The following PACRG variants were observed in gnomAD, a reference collection of about 807,000 sequenced individuals.
PACRG encodes parkin coregulated, also known as parkin coregulated gene protein.
PACRG carries 29 observed loss-of-function variants against 29.7 expected under a neutral mutation model. The observed-to-expected ratio is 0.98, with a 90% CI of 0.73 to 1.33. The LOEUF (loss-of-function observed/expected upper bound fraction) is 1.33. Among genes scored for constraint, PACRG ranks in the 40% most tolerant of loss-of-function variants. PACRG has a pLI of 0.00. For synonymous variants in PACRG, 116 were observed against 118.7 expected, an observed-to-expected ratio of 0.98 and a Z score of 0.15; for missense variants, 279 against 316.2, an observed-to-expected ratio of 0.88 and a Z score of 0.89.
chr6:163,280,734 A>G (rs1028946665), intron 4 of PACRG, among the ~76,000 whole-genome samples: 2 of 152,174 alleles, frequency 1.3e-5, no homozygotes, highest in Non-Finnish European at 2.9e-5. Context: ...ATGCATGTGC[A>G]CAGGGAGAGA....
intron 2 of PACRG, among the ~76,000 whole-genome samples, chr6:162,979,620 C>T (rs964677421): frequency 1.3e-5 from 2 of 152,032 alleles, no homozygotes; most frequent in Admixed American, 6.6e-5. Context: ...GTGAAGCCCC[C>T]TTTTGAGTGG....
At chr6:162,891,340 G>T (rs1377821921) in intron 2 of PACRG, among the ~76,000 whole-genome samples, 1 of 152,132 alleles carries the variant, frequency 6.6e-6, no homozygotes, top group Admixed American at 6.5e-5. Context: ...AAACCCTTAG[G>T]GAAGGTTGGC....
chr6:163,203,695 G>A (rs895709774), intron 4 of PACRG, among the ~76,000 whole-genome samples: 25 of 152,216 alleles, frequency 1.6e-4, no homozygotes, highest in African/African-American at 5.8e-4. Flanking sequence ...TAAAATACAT[G>A]GTGTCACCAG....
chr6:162,994,359 C>T (rs1276994583), intron 2 of PACRG, among the ~76,000 whole-genome samples: 23 of 150,222 alleles, frequency 1.5e-4, no homozygotes, highest in African/African-American at 3.7e-4. Flanking sequence ...TTCCATTCTC[C>T]GCATCACTTT....
chr6:163,294,047 C>T (rs2128187999), intron 4 of PACRG, among the ~76,000 whole-genome samples: 1 of 151,026 alleles, frequency 6.6e-6, no homozygotes, highest in Non-Finnish European at 1.5e-5. Flanking sequence ...TTTCTTTACC[C>T]CCCAAAAAAA....
intron 2 of PACRG, among the ~76,000 whole-genome samples, chr6:162,989,448 C>T (rs1415705222): frequency 6.6e-6 from 1 of 152,148 alleles, no homozygotes; most frequent in Non-Finnish European, 1.5e-5. Context: ...GCTCAAGTAC[C>T]TGACATGAAA....
intron 2 of PACRG, among the ~76,000 whole-genome samples, chr6:162,868,289 C>A (rs1792474901): frequency 6.8e-6 from 1 of 147,134 alleles, no homozygotes; most frequent in Non-Finnish European, 1.5e-5. Flanking sequence ...CTGGCCTTTT[C>A]CCCGCTATTA....
chr6:162,930,406 A>G (rs922362690), intron 2 of PACRG, among the ~76,000 whole-genome samples: 1 of 151,828 alleles, frequency 6.6e-6, no homozygotes, highest in Non-Finnish European at 1.5e-5. Context: ...TGCTTTTGAC[A>G]TATATAATTA....
At chr6:163,024,329 T>C (rs1245411274) in intron 2 of PACRG, among the ~76,000 whole-genome samples, 2 of 152,190 alleles carry the variant, frequency 1.3e-5, no homozygotes, top group East Asian at 1.9e-4. Context: ...ATTGAATAGA[T>C]AGTCCTTTCC....
At chr6:162,866,990 T>C (rs1386577670) in intron 2 of PACRG, among the ~76,000 whole-genome samples, 1 of 152,194 alleles carries the variant, frequency 6.6e-6, no homozygotes, top group Non-Finnish European at 1.5e-5. Flanking sequence ...ATGATAGGCA[T>C]GGAGAAATAT....
intron 1 of PACRG, among the ~76,000 whole-genome samples, chr6:162,798,346 A>G (rs890089114): frequency 6.6e-6 from 1 of 152,146 alleles, no homozygotes; most frequent in African/African-American, 2.4e-5. Flanking sequence ...ACAAGAAACA[A>G]ATGTTGTCCC....
intron 2 of PACRG, among the ~76,000 whole-genome samples, chr6:162,848,669 G>T (rs1192063854): frequency 6.6e-6 from 1 of 152,196 alleles, no homozygotes; most frequent in Non-Finnish European, 1.5e-5. Context: ...CATTCTTTGT[G>T]ATTTTACTTA....
At chr6:163,072,864 A>G (rs1403621381) in intron 3 of PACRG, among the ~76,000 whole-genome samples, 1 of 152,168 alleles carries the variant, frequency 6.6e-6, no homozygotes, top group African/African-American at 2.4e-5. Context: ...TACAATAGCC[A>G]CAGATAAAAC....
chr6:163,050,286 T>C (rs1463032615), intron 2 of PACRG, among the ~76,000 whole-genome samples: 1 of 152,150 alleles, frequency 6.6e-6, no homozygotes, highest in Non-Finnish European at 1.5e-5. Context: ...TTAATATGCT[T>C]AATTATTTGA....
chr6:163,044,431 T>G (rs947976138), intron 2 of PACRG, among the ~76,000 whole-genome samples: 3 of 152,164 alleles, frequency 2.0e-5, no homozygotes, highest in African/African-American at 7.2e-5. Flanking sequence ...CCTTCCAAAT[T>G]GTTGGAATTA....
At chr6:162,839,156 AG>A (rs1345421042) in intron 2 of PACRG, among the ~76,000 whole-genome samples, 1 of 122,562 alleles carries the variant, frequency 8.2e-6, no homozygotes, top group Non-Finnish European at 1.6e-5. Context: ...TAGATCCCTG[AG>A]GAATCGCCAC....
At chr6:162,747,652 A>C (rs1781189703) in intron 1 of PACRG, among the ~76,000 whole-genome samples, 1 of 151,054 alleles carries the variant, frequency 6.6e-6, no homozygotes, top group Admixed American at 6.6e-5. Flanking sequence ...ATGCAGGGAA[A>C]GCCAGAATCA....
chr6:162,964,430 T>G (rs1177107886), intron 2 of PACRG, among the ~76,000 whole-genome samples: 1 of 152,208 alleles, frequency 6.6e-6, no homozygotes, highest in Non-Finnish European at 1.5e-5. Context: ...TATTGGCATT[T>G]TCACTAAAGA....
At chr6:163,297,579 G>A (rs924212310) in intron 4 of PACRG, among the ~76,000 whole-genome samples, 1 of 151,960 alleles carries the variant, frequency 6.6e-6, no homozygotes, top group South Asian at 2.1e-4. Context: ...ATCTTTAGAG[G>A]CTCCCCATAC....
Sources: allele counts gnomAD v4.1 joint callset (sites outside exome capture counted in the v4.1 genomes callset), GRCh38; gene constraint gnomAD v4.1.1; transcripts MANE v1.5; gene names NCBI Gene and HGNC (gene_info 2026-07-23, HGNC 2026-07-21).